Variants in DNAJC16 observed in about 807,000 individuals in gnomAD.
DNAJC16 encodes DnaJ heat shock protein family (Hsp40) member C16.
In DNAJC16, 76 loss-of-function variants were observed where a neutral mutation model predicts 92.7. That is an observed-to-expected ratio of 0.82 (90% CI 0.68 to 0.99). The LOEUF is 0.99. DNAJC16 is among the 50% of genes least tolerant of loss of function. DNAJC16 has a pLI of 0.00. For missense variants in DNAJC16, 869 were observed against 942.4 expected, an observed-to-expected ratio of 0.92 and a Z score of 1.02; for synonymous variants, 328 against 358.7, an observed-to-expected ratio of 0.91 and a Z score of 0.97.
intron 2 of DNAJC16, among the ~76,000 whole-genome samples, chr1:15,533,041 A>C (rs1388470225): frequency 6.6e-6 from 1 of 152,180 alleles, no homozygotes; most frequent in Non-Finnish European, 1.5e-5. Flanking sequence ...AACCTATGTC[A>C]GAGGAAATTT....
chr1:15,548,364 A>G lies in DNAJC16; in HGVS notation c.959A>G (p.Asn320Ser). The G allele has an allele frequency of 6.2e-7, 1 of 1,614,204 alleles. No homozygotes were observed. The highest frequency in any genetic ancestry group is 8.5e-7 in the Non-Finnish European group (1 of 1,180,030). The stretch of plus-strand genomic sequence containing the variant: ...GAGATGACAAGGCGGTACAACATCA[A>G]TATCTACGCCCCTACCCTCTTGGTC... Reference protein sequence around the residue: ...TEEMTRRYNINIYAPTLLVFK... With the variant: ...TEEMTRRYNISIYAPTLLVFK... Residue 320 changes from asparagine to serine, a missense_variant, in exon 7 of 15, where the codon AAT (asparagine) becomes AGT (serine). Physicochemically the swap from Asn to Ser is conservative, Grantham distance 46. Transcript: ENST00000375847.
chr1:15,546,583 A>G (rs185810066), intron 5 of DNAJC16, among the ~76,000 whole-genome samples, 184 bp from the exon 6 acceptor site: 103 of 152,348 alleles, frequency 6.8e-4, no homozygotes, highest in Admixed American at 1.8e-3. Context: ...CAATGAAAAT[A>G]TGAAATCAAT....
chr1:15,528,015 A>C (rs983850271), intron 1 of DNAJC16, among the ~76,000 whole-genome samples: 1 of 152,222 alleles, frequency 6.6e-6, no homozygotes, highest in Non-Finnish European at 1.5e-5. Flanking sequence ...CACTGTACTC[A>C]CCAGAGATGG....
chr1:15,563,392 G>T (rs1570929692), intron 9 of DNAJC16, among the ~76,000 whole-genome samples: 1 of 151,788 alleles, frequency 6.6e-6, no homozygotes, highest in African/African-American at 2.4e-5. Flanking sequence ...AGCTGGTGTG[G>T]TGCACACCTG....
intron 7 of DNAJC16, among the ~76,000 whole-genome samples, chr1:15,554,362 C>G (rs574326583): frequency 6.6e-6 from 1 of 152,036 alleles, no homozygotes; most frequent in Non-Finnish European, 1.5e-5. Context: ...AACATAAATT[C>G]TTTTAGTATA....
Position 15,564,281 on chromosome 1 carries a change from A to G in DNAJC16, c.1522-2A>G. On this transcript the variant is annotated splice_acceptor_variant, in intron 10 of 14. Transcript: ENST00000375847. LOFTEE classifies it high-confidence loss of function. Reference sequence around the variant, plus strand: ...ACCATCATCCATTTTCTCTCTACATAGGTTTTTCTCCTTCGATGGTTCTAC... The same window carrying G: ...ACCATCATCCATTTTCTCTCTACATGGGTTTTTCTCCTTCGATGGTTCTAC... 1 of 1,602,334 alleles carries G rather than the reference A, an allele frequency of 6.2e-7. No homozygotes were observed. Among genetic ancestry groups the G allele is most frequent in the Non-Finnish European group, 8.6e-7 (1 of 1,169,298 alleles).
intron 6 of DNAJC16, among the ~76,000 whole-genome samples, chr1:15,547,444 C>CTTT (rs761443115): frequency 7.4e-6 from 1 of 135,912 alleles, no homozygotes; most frequent in African/African-American, 2.7e-5. Context: ...CTGTGATGGG[C>CTTT]TTTTTTTTTT....
intron 8 of DNAJC16, among the ~76,000 whole-genome samples, chr1:15,560,646 G>A (rs927960279): frequency 6.6e-6 from 1 of 152,010 alleles, no homozygotes; most frequent in Non-Finnish European, 1.5e-5. Context: ...GTGTGTCTAG[G>A]CTTTTCAGAT....
At chr1:15,555,220 C>CAAAAAAAAAGA (rs1553148306) in intron 7 of DNAJC16, among the ~76,000 whole-genome samples, 5 of 139,632 alleles carry the variant, frequency 3.6e-5, no homozygotes, top group African/African-American at 5.3e-5. Context: ...TACTAAAATA[C>CAAAAAAAAAGA]AAAAAAAAAG....
intron 4 of DNAJC16, among the ~76,000 whole-genome samples, chr1:15,542,646 C>T (rs918894874): frequency 4.6e-5 from 7 of 152,194 alleles, no homozygotes; most frequent in African/African-American, 1.7e-4. Context: ...GGACTTCTGG[C>T]GTCTGAAGTG....
At position 15,569,475 on chromosome 1, in the gene DNAJC16, A is replaced by G. The variant is rs1638897714; in HGVS notation, c.*1298A>G. On this transcript the variant is annotated 3_prime_UTR_variant, in exon 15 of 15. Coordinates refer to ENST00000375847, the MANE Select transcript of DNAJC16 (RefSeq NM_015291.4). ...AGGGTGCCTCATACCAGCCAGTTAG[A>G]GAGCATACCTTTTATTTTTCAGGGC... 1.3e-5 allele frequency: 2 copies of G among 152,150 alleles called. No homozygotes were observed. Among genetic ancestry groups the G allele is most frequent in the Non-Finnish European group, 2.9e-5 (2 of 68,036 alleles). The allele number at this position is 152,150 out of a possible 1,614,324, so 9.4% of individuals were successfully genotyped here.
intron 4 of DNAJC16, among the ~76,000 whole-genome samples, chr1:15,541,636 C>T (rs1434873336): frequency 6.6e-6 from 1 of 152,128 alleles, no homozygotes; most frequent in East Asian, 1.9e-4. Context: ...GCCATTTACT[C>T]AGCAATTTCA....
At chr1:15,549,989 T>C (rs868823036) in intron 7 of DNAJC16, among the ~76,000 whole-genome samples, 36 of 152,286 alleles carry the variant, frequency 2.4e-4, no homozygotes, top group Middle Eastern at 3.4e-3. Context: ...AAACATAGTT[T>C]GTATAGAGTT....
intron 4 of DNAJC16, among the ~76,000 whole-genome samples, chr1:15,537,064 C>T (rs1267328517): frequency 3.3e-5 from 5 of 152,038 alleles, no homozygotes; most frequent in African/African-American, 4.8e-5. Flanking sequence ...TTGGCCAGGC[C>T]GGCTTCAAAC....
intron 11 of DNAJC16, 133 bp downstream of exon 11, chr1:15,564,492 T>C: frequency 1.6e-6 from 1 of 641,568 alleles, no homozygotes. Flanking sequence ...GTTTACACAT[T>C]TTCTATTCCC....
chr1:15,546,432 C>T (rs1290741041), intron 5 of DNAJC16, among the ~76,000 whole-genome samples: 1 of 152,080 alleles, frequency 6.6e-6, no homozygotes, highest in Non-Finnish European at 1.5e-5. Context: ...TTGAAAGGGG[C>T]AGTTGTGTGT....
chr1:15,550,042 G>A (rs184699523), intron 7 of DNAJC16, among the ~76,000 whole-genome samples: 70 of 152,256 alleles, frequency 4.6e-4, no homozygotes, highest in African/African-American at 1.5e-3. Context: ...GTCTTGGAAC[G>A]TATCCTCTGC....
chr1:15,536,998 C>T (rs993377363), intron 4 of DNAJC16, among the ~76,000 whole-genome samples, 184 bp downstream of exon 4: 3 of 151,958 alleles, frequency 2.0e-5, no homozygotes, highest in African/African-American at 7.3e-5. Context: ...TTACAGGCAC[C>T]CACCATCACG....
intron 7 of DNAJC16, among the ~76,000 whole-genome samples, chr1:15,551,990 C>G (rs1343060826): frequency 1.3e-5 from 2 of 150,826 alleles, no homozygotes; most frequent in Non-Finnish European, 2.9e-5. Context: ...AAGATTGTTT[C>G]ACTGTACTCC....
Sources: allele counts gnomAD v4.1 joint callset (sites outside exome capture counted in the v4.1 genomes callset), GRCh38; gene constraint gnomAD v4.1.1; transcripts MANE v1.5; gene names NCBI Gene and HGNC (gene_info 2026-07-23, HGNC 2026-07-21).